The following DEFB118 variants were observed in gnomAD, a reference collection of about 807,000 sequenced individuals.
DEFB118 encodes defensin beta 118.
DEFB118 carries 3 observed loss-of-function variants against 2.8 expected under a neutral mutation model. The ratio of observed to expected loss-of-function variants is 1.09; its 90% confidence interval spans 0.50 to 2.82. DEFB118 has a LOEUF of 2.82. Among genes scored for constraint, DEFB118 ranks in the 30% most tolerant of loss-of-function variants. The pLI is 0.04. For synonymous variants in DEFB118, 63 were observed against 53.5 expected (o/e 1.18, Z -0.78); for missense variants, 159 against 144.6 (o/e 1.10, Z -0.51).
In DEFB118 at chr20:31,370,496, GTTAAGAGTGA is replaced by G. The variant is rs560255297; in HGVS notation, c.58+1790_58+1799del. 1.2e-4 allele frequency among the ~76,000 whole-genome samples: 18 copies of G among 152,284 alleles called. No individual in the cohort carries two copies. In the South Asian group the frequency reaches 3.7e-3, roughly 32 times the overall value. ...ATGATCTGGGGTTTCAAGTCTGAGT[GTTAAGAGTGA>G]TAAATTGGAGCCATCCTCTTGGAGC... On this transcript the variant is annotated intron_variant, in intron 1 of 1. Transcript: ENST00000253381.
At chr20:31,371,302 A>G (rs1986205568) in intron 1 of DEFB118, among the ~76,000 whole-genome samples, 1 of 151,700 alleles carries the variant, frequency 6.6e-6, no homozygotes, top group Non-Finnish European at 1.5e-5. Context: ...CTCAAACCTC[A>G]AGGGAAGTCT....
At chr20:31,370,881 G>C (rs1399771531) in intron 1 of DEFB118, among the ~76,000 whole-genome samples, 5 of 151,954 alleles carry the variant, frequency 3.3e-5, no homozygotes, top group Non-Finnish European at 7.4e-5. Flanking sequence ...CTCCCGAGTA[G>C]CTGGAATTAC....
At chr20:31,369,477 C>T (rs1466367605) in intron 1 of DEFB118, among the ~76,000 whole-genome samples, 2 of 147,566 alleles carry the variant, frequency 1.4e-5, no homozygotes, top group East Asian at 3.9e-4. Flanking sequence ...GCAACCTCTG[C>T]CTCCTGGGTT....
Position 31,368,697 on chromosome 20 carries a change from A to G in DEFB118, c.47A>G (p.Gln16Arg), listed in dbSNP as rs781364298. The G allele has an allele frequency of 6.2e-7, 1 of 1,613,450 alleles. No homozygotes were observed. The stretch of plus-strand genomic sequence containing the variant: ...CTTCCTATGCTTGTGCTCCTACCCC[A>G]AGTGATCCCAGGTAATCAGAGGTCA... ...LALPMLVLLP[Q>R]VIPAYSGEKK... Residue 16 changes from glutamine (Q) to arginine (R), a missense_variant, in exon 1 of 2, where the codon CAA becomes CGA. Physicochemically the swap from Gln to Arg is conservative, Grantham distance 43. Coordinates refer to ENST00000253381, the MANE Select transcript of DEFB118 (RefSeq NM_054112.3).
intron 1 of DEFB118, among the ~76,000 whole-genome samples, chr20:31,371,454 T>G (rs947568291): frequency 1.3e-5 from 2 of 152,020 alleles, no homozygotes; most frequent in Non-Finnish European, 1.5e-5. Context: ...TCTTCTCTTA[T>G]TATCTACTTT....
intron 1 of DEFB118, among the ~76,000 whole-genome samples, chr20:31,370,874 C>A (rs185392317): frequency 6.6e-6 from 1 of 152,250 alleles, no homozygotes; most frequent in Non-Finnish European, 1.5e-5. Flanking sequence ...CCTCAGCCTC[C>A]CGAGTAGCTG....
chr20:31,372,781 C>A, intron 1 of DEFB118, 76 bp from the exon 2 acceptor site: 4 of 1,148,076 alleles, frequency 3.5e-6, no homozygotes, highest in East Asian at 2.5e-5. Context: ...ATATAGGATG[C>A]GAGATATACA....
intron 1 of DEFB118, among the ~76,000 whole-genome samples, chr20:31,371,416 T>C (rs1055879390): frequency 6.6e-6 from 1 of 152,236 alleles, no homozygotes; most frequent in East Asian, 1.9e-4. Context: ...GCTTATAGTA[T>C]GTATCCCACA....
chr20:31,370,431 T>G (rs529587138), intron 1 of DEFB118, among the ~76,000 whole-genome samples: 31 of 152,244 alleles, frequency 2.0e-4, no homozygotes, highest in Non-Finnish European at 3.8e-4. Flanking sequence ...AATCCACAAG[T>G]TATAAAAACT....
chr20:31,373,120 G>A lies in DEFB118; in HGVS notation c.322G>A (p.Ala108Thr). Residue 108 changes from alanine to threonine, a missense_variant, in exon 2 of 2, where the codon GCG (alanine) becomes ACG (threonine). Transcript: ENST00000253381. ...GAAAGATATGGTTGAAGAGTCTGAG[G>A]CGGGAAGGGGAACTGAGACCTCTCT... is the stretch of plus-strand genomic sequence containing the variant. Reference protein sequence around the residue: ...SKKDMVEESEAGRGTETSLPN... With the variant: ...SKKDMVEESETGRGTETSLPN... The A allele has an allele frequency of 6.2e-7, 1 of 1,614,024 alleles. No individual in the cohort carries two copies. Among genetic ancestry groups the A allele is most frequent in the South Asian group, 1.1e-5 (1 of 91,076 alleles).
chr20:31,370,117 A>G lies in DEFB118; in HGVS notation c.58+1409A>G, dbSNP rs542731409. Among the ~76,000 whole-genome samples the G allele has an allele frequency of 3.5e-4, 53 of 152,102 alleles. 1 individual carries two copies. Among genetic ancestry groups the G allele is most frequent in the Non-Finnish European group, 5.9e-5 (4 of 67,998 alleles). Reference sequence around the variant, plus strand: ...ACCCTGGCGTTCAGGGTAGGGAAACAGGGAAACCTCTCCTGTTTCCCAGGG... The same window carrying G: ...ACCCTGGCGTTCAGGGTAGGGAAACGGGGAAACCTCTCCTGTTTCCCAGGG... On this transcript the variant is annotated intron_variant, in intron 1 of 1. Transcript: ENST00000253381.
Position 31,368,695 on chromosome 20 carries a change from C to T in DEFB118, c.45C>T (p.Pro15=). 6 of 1,613,526 alleles carry T rather than the reference C, an allele frequency of 3.7e-6. No individual in the cohort carries two copies. Among genetic ancestry groups the T allele is most frequent in the Non-Finnish European group, 5.1e-6 (6 of 1,179,628 alleles). The change falls in exon 1 of 2, where the codon CCC becomes CCT. Residue 15 remains proline (P), a synonymous_variant. Transcript: ENST00000253381. Reference sequence around the variant, plus strand: ...CTCTTCCTATGCTTGTGCTCCTACCCCAAGTGATCCCAGGTAATCAGAGGT... The same window carrying T: ...CTCTTCCTATGCTTGTGCTCCTACCTCAAGTGATCCCAGGTAATCAGAGGT... ...LLALPMLVLL[P]QVIPAYSGEK...
intron 1 of DEFB118, among the ~76,000 whole-genome samples, chr20:31,371,135 T>A (rs1986202914): frequency 1.3e-5 from 2 of 152,184 alleles, no homozygotes; most frequent in South Asian, 4.1e-4. Flanking sequence ...CTCCAGTTAC[T>A]CTCCACTTAA....
chr20:31,373,324 A>G lies in DEFB118; in HGVS notation c.*154A>G, dbSNP rs1986249437. On this transcript the variant is annotated 3_prime_UTR_variant, in exon 2 of 2. Transcript: ENST00000253381. Reference sequence around the variant, plus strand: ...CTGTGTAAAGAAGTCTAAAATTTTCACTATTTCCAATGATAAACTCTTCAG... The same window carrying G: ...CTGTGTAAAGAAGTCTAAAATTTTCGCTATTTCCAATGATAAACTCTTCAG... 1 of 644,436 alleles carries G rather than the reference A, an allele frequency of 1.6e-6. No homozygotes were observed. The allele number at this position is 644,436 out of a possible 1,614,324, so 39.9% of individuals were successfully genotyped here.
At chr20:31,371,875 T>C (rs1986215698) in intron 1 of DEFB118, among the ~76,000 whole-genome samples, 1 of 152,114 alleles carries the variant, frequency 6.6e-6, no homozygotes, top group Non-Finnish European at 1.5e-5. Context: ...CAATGTCCAT[T>C]ATACCACTCT....
chr20:31,372,546 T>TA (rs904553252), intron 1 of DEFB118, among the ~76,000 whole-genome samples: 40 of 151,172 alleles, frequency 2.6e-4, no homozygotes, highest in Admixed American at 5.9e-4. Context: ...AGACTCCATC[T>TA]AAAAAAAAAG....
chr20:31,373,309 A>G lies in DEFB118; in HGVS notation c.*139A>G. 1 of 747,464 alleles carries G rather than the reference A, an allele frequency of 1.3e-6. No individual in the cohort carries two copies. The highest frequency in any genetic ancestry group is 2.1e-6 in the Non-Finnish European group (1 of 474,148). 46.3% of individuals were successfully genotyped at this position (747,464 alleles called of 1,614,324 possible). ...TATTAATAGAAACAGCTGTGTAAAG[A>G]AGTCTAAAATTTTCACTATTTCCAA... is the stretch of plus-strand genomic sequence containing the variant. On this transcript the variant is annotated 3_prime_UTR_variant, in exon 2 of 2. Transcript: ENST00000253381.
Position 31,373,494 on chromosome 20 carries a change from C to A in DEFB118, c.*324C>A. 3.4e-6 allele frequency: 1 copy of A among 294,554 alleles called. No individual in the cohort carries two copies. The highest frequency in any genetic ancestry group is 6.4e-6 in the Non-Finnish European group (1 of 157,430). The allele number at this position is 294,554 out of a possible 1,614,324, so 18.2% of individuals were successfully genotyped here. On this transcript the variant is annotated 3_prime_UTR_variant, in exon 2 of 2. Coordinates refer to ENST00000253381, the MANE Select transcript of DEFB118 (RefSeq NM_054112.3). ...TTCTTCATGTATCGTTCTGTCTTCTCAACAGCTGTCTTCATGGCAGCATAA... is the reference window on the plus strand; with the variant it reads ...TTCTTCATGTATCGTTCTGTCTTCTAAACAGCTGTCTTCATGGCAGCATAA...
intron 1 of DEFB118, among the ~76,000 whole-genome samples, chr20:31,371,253 G>GC (rs1355690926): frequency 1.3e-5 from 2 of 151,980 alleles, no homozygotes; most frequent in Non-Finnish European, 2.9e-5. Flanking sequence ...TATATACTCT[G>GC]CCCCCAGTTA....
Sources: allele counts gnomAD v4.1 joint callset (sites outside exome capture counted in the v4.1 genomes callset), GRCh38; gene constraint gnomAD v4.1.1; transcripts MANE v1.5; gene names NCBI Gene and HGNC (gene_info 2026-07-23, HGNC 2026-07-21).